The following TENM1 variants were observed in gnomAD, a reference collection of about 807,000 sequenced individuals.
The protein encoded by TENM1 is teneurin-1.
TENM1 carries 35 observed loss-of-function variants against 174.8 expected under a neutral mutation model. That is an observed-to-expected ratio of 0.20 (90% CI 0.15 to 0.27). The LOEUF (loss-of-function observed/expected upper bound fraction) is 0.27, where lower values mean the gene tolerates loss of function less well. Among genes scored for constraint, TENM1 ranks in the 10% least tolerant of loss-of-function variants. The pLI is 1.00. For missense variants in TENM1, 1,633 were observed against 2,130.1 expected (o/e 0.77, Z 4.59); for synonymous variants, 781 against 798.7 (o/e 0.98, Z 0.37).
At chrX:124,833,077 G>A (rs189432529) in intron 3 of TENM1, among the ~76,000 whole-genome samples, 1 of 111,887 alleles carries the variant, frequency 8.9e-6, no homozygotes, top group Non-Finnish European at 1.9e-5. Context: ...AATGACAGGT[G>A]GAAATTAACA....
At chrX:124,608,422 C>T (rs1318438052) in intron 11 of TENM1, among the ~76,000 whole-genome samples, 1 of 111,353 alleles carries the variant, frequency 9.0e-6, no homozygotes, top group Non-Finnish European at 1.9e-5. Flanking sequence ...CTTACCATCG[C>T]TCCAATAACT....
chrX:125,181,664 T>C, the TENM1 span, among the ~76,000 whole-genome samples: 3 of 111,621 alleles, frequency 2.7e-5, no homozygotes, highest in Non-Finnish European at 3.8e-5. Context: ...TGGAGGGATA[T>C]GGGACAAGGG....
chrX:124,479,205 C>A (rs952602676), intron 22 of TENM1, among the ~76,000 whole-genome samples: 1 of 112,267 alleles, frequency 8.9e-6, no homozygotes, highest in Admixed American at 9.4e-5. Flanking sequence ...TGGTGGCTAC[C>A]TAGTGTGAAC....
chrX:124,761,608 C>G (rs1199399642), intron 3 of TENM1, among the ~76,000 whole-genome samples: 3 of 108,557 alleles, frequency 2.8e-5, no homozygotes, highest in Non-Finnish European at 5.7e-5. Context: ...CGAGTTAATG[C>G]GTGCAGCAAA....
intron 11 of TENM1, among the ~76,000 whole-genome samples, chrX:124,631,867 C>T (rs1350086650): frequency 3.5e-5 from 3 of 86,920 alleles, no homozygotes; most frequent in South Asian, 6.5e-4. Context: ...CCAGCCTGGG[C>T]GACAGTATGA....
intron 27 of TENM1, among the ~76,000 whole-genome samples, chrX:124,396,648 T>C (rs2060338353): frequency 9.0e-6 from 1 of 110,856 alleles, no homozygotes; most frequent in African/African-American, 3.3e-5. Context: ...GCCTCTATGA[T>C]AAGAATAAGA....
intron 26 of TENM1, among the ~76,000 whole-genome samples, chrX:124,405,821 C>T (rs770433206): frequency 1.7e-4 from 19 of 111,020 alleles, no homozygotes; most frequent in Non-Finnish European, 3.0e-4. Context: ...CATTCCAAAT[C>T]CTATCTCCCT....
At chrX:124,382,163 A>G (rs985285916) in intron 31 of TENM1, among the ~76,000 whole-genome samples, 17 of 111,559 alleles carry the variant, frequency 1.5e-4, no homozygotes, top group Non-Finnish European at 1.3e-4. Flanking sequence ...CTGAATCTTA[A>G]ATGTTTTGAT....
At chrX:124,635,282 C>T (rs756624941) in intron 11 of TENM1, among the ~76,000 whole-genome samples, 5 of 112,130 alleles carry the variant, frequency 4.5e-5, no homozygotes, top group African/African-American at 1.3e-4. Context: ...CACACCCACA[C>T]ATATACTGAT....
At chrX:124,464,875 A>G (rs2061224801) in intron 22 of TENM1, among the ~76,000 whole-genome samples, 1 of 112,104 alleles carries the variant, frequency 8.9e-6, no homozygotes, top group South Asian at 3.8e-4. Flanking sequence ...GGCATTTAAA[A>G]TGCTGGGATG....
intron 1 of TENM1, among the ~76,000 whole-genome samples, chrX:124,961,957 A>G (rs2058660441): frequency 9.0e-6 from 1 of 111,456 alleles, no homozygotes; most frequent in Admixed American, 9.5e-5. Flanking sequence ...GAAAGGAGAA[A>G]ATGGATTTGA....
At chrX:125,167,538 T>C in the TENM1 span, among the ~76,000 whole-genome samples, 1 of 111,288 alleles carries the variant, frequency 9.0e-6, no homozygotes, top group African/African-American at 3.3e-5. Context: ...TTCTATATTA[T>C]TTTTTTCCTC....
At chrX:124,711,376 T>G (rs1300268210) in intron 4 of TENM1, among the ~76,000 whole-genome samples, 1 of 112,194 alleles carries the variant, frequency 8.9e-6, no homozygotes, top group Non-Finnish European at 1.9e-5. Context: ...ATAATGTGAT[T>G]TAATGTGGCA....
At chrX:124,971,601 A>AT in the TENM1 span, among the ~76,000 whole-genome samples, 10 of 111,266 alleles carry the variant, frequency 9.0e-5, no homozygotes, top group African/African-American at 9.8e-5. Flanking sequence ...AACATCTTCA[A>AT]TTTTTTTATT....
rs191355164 is a variant in TENM1, at chrX:124,578,867, A to G, written c.2078-13307T>C. 3.6e-5 allele frequency among the ~76,000 whole-genome samples: 4 copies of G among 112,195 alleles called. No individual in the cohort carries two copies. In the East Asian group the frequency reaches 8.4e-4, roughly 24 times the overall value. ...CTTTCCAATATTTTCCCAAAAGTTC[A>G]GCTATACGTCACAAAGCCAGTCAAT... On this transcript the variant is annotated intron_variant, in intron 11 of 31. Transcript: ENST00000422452.
At chrX:124,405,351 CACGTT>C in intron 26 of TENM1, 85 bp from the exon 30 acceptor site, 1 of 788,429 alleles carries the variant, frequency 1.3e-6, no homozygotes, top group South Asian at 2.4e-5. Flanking sequence ...TTTTAGGAGG[CACGTT>C]TGGGGGATAA....
intron 3 of TENM1, among the ~76,000 whole-genome samples, chrX:124,813,741 G>A (rs183578590): frequency 1.5e-4 from 17 of 110,953 alleles, no homozygotes; most frequent in African/African-American, 2.9e-4. Context: ...TTTAGAAACC[G>A]GAGGGAGTGG....
At chrX:125,173,124 A>G in the TENM1 span, among the ~76,000 whole-genome samples, 1 of 111,731 alleles carries the variant, frequency 9.0e-6, no homozygotes, top group African/African-American at 3.3e-5. Flanking sequence ...CAAACACAAC[A>G]CTTTAAGTAA....
chrX:125,100,711 TTTGAGTGAATATG>T, the TENM1 span, among the ~76,000 whole-genome samples: 27 of 112,118 alleles, frequency 2.4e-4, no homozygotes, highest in African/African-American at 8.1e-4. Flanking sequence ...CATTATGTGT[TTTGAGTGAATATG>T]TTGAGTGAAT....
Sources: gnomAD v4.1 joint callset for allele counts (sites outside exome capture counted in the v4.1 genomes callset) on GRCh38, gnomAD v4.1.1 for gene constraint, MANE v1.5 for transcripts, NCBI Gene and HGNC (gene_info 2026-07-23, HGNC 2026-07-21) for gene names.